The following IMPG2 variants were observed in gnomAD, a reference collection of about 807,000 sequenced individuals.
The protein encoded by IMPG2 is interphotoreceptor matrix proteoglycan 2, also known as IPM 200.
A neutral mutation model predicts 129.2 loss-of-function variants in IMPG2; 91 were observed. The ratio of observed to expected loss-of-function variants is 0.70; its 90% CI spans 0.59 to 0.84. The LOEUF (loss-of-function observed/expected upper bound fraction) is 0.84, where lower values mean the gene tolerates loss of function less well. Ranked by LOEUF, IMPG2 falls within the 40% of genes least tolerant of loss-of-function variation. The pLI, the probability that IMPG2 is intolerant of heterozygous loss-of-function variation, is 0.00. For synonymous variants in IMPG2, 510 were observed against 517.7 expected (o/e 0.99, Z 0.20); for missense variants, 1,430 against 1,461.7 (o/e 0.98, Z 0.35).
chr3:101,228,874 T>G lies in IMPG2; in HGVS notation c.3636A>C (p.Glu1212Asp). ...CCAAAACTCTCATTCTCTCTTGAAT[T>G]TCCTTAAACAAAAAAGAAACAATAG... Reference protein sequence around the residue: ...MYESSELSREEIQERMRVLEL... With the variant: ...MYESSELSREDIQERMRVLEL... Residue 1212 changes from glutamate to aspartate, a missense_variant and splice_region_variant, in exon 18 of 19, where the codon GAA (glutamate) becomes GAC (aspartate). Glu to Asp is a conservative substitution (Grantham distance 45). Coordinates refer to ENST00000193391, the MANE Select transcript of IMPG2 (RefSeq NM_016247.4). 6.2e-7 allele frequency: 1 copy of G among 1,612,838 alleles called. No homozygotes were observed. Among genetic ancestry groups the G allele is most frequent in the Non-Finnish European group, 8.5e-7 (1 of 1,178,880 alleles).
chr3:101,244,303 A>G lies in IMPG2; in HGVS notation c.2028T>C (p.Phe676=), dbSNP rs780140167. 8.1e-6 allele frequency: 13 copies of G among 1,614,024 alleles called. No individual in the cohort carries two copies. In the East Asian group the frequency reaches 1.1e-4, roughly 14 times the overall value. ...KYEHDDRSTH[F]PEEEPLSGPA... is the part of the protein sequence containing the mutation. ...GCCCACTAAGAGGCTCTTCCTCTGG[A>G]AAGTGTGTGGATCTGTCATCATGTT... Residue 676 remains phenylalanine (F), a synonymous_variant, in exon 13 of 19, where the codon TTT becomes TTC. Coordinates refer to ENST00000193391, the MANE Select transcript of IMPG2 (RefSeq NM_016247.4).
rs187262692 is a variant in IMPG2, at chr3:101,230,933, T to C, written c.3422+24A>G. 7.6e-5 allele frequency: 121 copies of C among 1,593,952 alleles called. 1 individual carries two copies. In the East Asian group the frequency reaches 2.5e-3, roughly 34 times the overall value. Reference sequence around the variant, plus strand: ...GTGTAAATGGAACATTGTATTCCATTAGAGAGCTCTTTTCCTTATTTACCT... The same window carrying C: ...GTGTAAATGGAACATTGTATTCCATCAGAGAGCTCTTTTCCTTATTTACCT... On this transcript the variant is annotated intron_variant, in intron 16 of 18. Coordinates refer to ENST00000193391, the MANE Select transcript of IMPG2 (RefSeq NM_016247.4).
chr3:101,269,754 T>G lies in IMPG2; in HGVS notation c.829-181A>C, dbSNP rs535546334. ...AAAATTTTACCTAAACACTGCCACA[T>G]TTTTCTTTTTCATTTTGTCTTTCAA... On this transcript the variant is annotated intron_variant, in intron 7 of 18. Coordinates refer to ENST00000193391, the MANE Select transcript of IMPG2 (RefSeq NM_016247.4). Among the ~76,000 whole-genome samples, 4 of 152,100 alleles carry G rather than the reference T, an allele frequency of 2.6e-5. No individual in the cohort carries two copies. The East Asian group carries it at 7.7e-4, about 29-fold the overall frequency.
At chr3:101,293,573 T>C (rs1453745468) in intron 3 of IMPG2, among the ~76,000 whole-genome samples, 1 of 152,228 alleles carries the variant, frequency 6.6e-6, no homozygotes, top group East Asian at 1.9e-4. Flanking sequence ...TATTGCCTTC[T>C]AATTTAAGTC....
intron 2 of IMPG2, among the ~76,000 whole-genome samples, chr3:101,314,807 G>A (rs2058775751): frequency 6.6e-6 from 1 of 152,098 alleles, no homozygotes; most frequent in South Asian, 2.1e-4. Context: ...TAAATAAATG[G>A]AGGGATATAT....
intron 2 of IMPG2, among the ~76,000 whole-genome samples, chr3:101,318,533 C>T (rs1396537349): frequency 6.6e-6 from 1 of 151,746 alleles, no homozygotes; most frequent in Non-Finnish European, 1.5e-5. Flanking sequence ...GTTTTTAAAA[C>T]TTTGATGAGA....
At chr3:101,268,416 G>A (rs1706744046) in intron 8 of IMPG2, among the ~76,000 whole-genome samples, 1 of 152,124 alleles carries the variant, frequency 6.6e-6, no homozygotes, top group African/African-American at 2.4e-5. Context: ...GAATGGGGGC[G>A]ACTGGTCATG....
At position 101,320,377 on chromosome 3, in the gene IMPG2, G is replaced by A. The variant is rs1376782187; in HGVS notation, c.-5C>T. On this transcript the variant is annotated 5_prime_UTR_variant, in exon 1 of 19. Transcript: ENST00000193391. ...AAAAAGAGGAAACATAATCATTTGG[G>A]CCAAAACCAAAGGAATGAGGAGAGG... 3.1e-6 allele frequency: 5 copies of A among 1,588,736 alleles called. No homozygotes were observed. The highest frequency in any genetic ancestry group is 4.3e-6 in the Non-Finnish European group (5 of 1,158,240).
chr3:101,316,577 G>A (rs1000016014), intron 2 of IMPG2, among the ~76,000 whole-genome samples: 11 of 151,976 alleles, frequency 7.2e-5, no homozygotes, highest in Non-Finnish European at 1.6e-4. Context: ...ACATCCACTG[G>A]AATGGCTAAA....
intron 9 of IMPG2, among the ~76,000 whole-genome samples, chr3:101,264,094 G>A (rs1160568943): frequency 6.6e-6 from 1 of 151,900 alleles, no homozygotes; most frequent in Non-Finnish European, 1.5e-5. Context: ...GTAACAAAAA[G>A]TCTACTGAAA....
At chr3:101,276,235 T>C (rs548350080) in intron 5 of IMPG2, among the ~76,000 whole-genome samples, 52 of 152,314 alleles carry the variant, frequency 3.4e-4, no homozygotes, top group African/African-American at 1.3e-3. Context: ...ATTACCAATT[T>C]ACAAGAAATA....
Position 101,320,562 on chromosome 3 carries a change from C to T in IMPG2, c.-190G>A, listed in dbSNP as rs2058806373. 1.7e-6 allele frequency: 1 copy of T among 582,288 alleles called. No individual in the cohort carries two copies. The highest frequency in any genetic ancestry group is 3.0e-5 in the East Asian group (1 of 33,780). The allele number at this position is 582,288 out of a possible 1,614,324, so 36.1% of individuals were successfully genotyped here. ...AAATGGTTGTCCTTTCAAAGTAGCTCTCACTTCTTTTCTGAAATAACCAGC... is the reference window on the plus strand; with the variant it reads ...AAATGGTTGTCCTTTCAAAGTAGCTTTCACTTCTTTTCTGAAATAACCAGC... On this transcript the variant is annotated 5_prime_UTR_variant, in exon 1 of 19. Coordinates refer to ENST00000193391, the MANE Select transcript of IMPG2 (RefSeq NM_016247.4).
intron 4 of IMPG2, among the ~76,000 whole-genome samples, chr3:101,281,843 A>G (rs939768921): frequency 8.5e-5 from 13 of 152,170 alleles, no homozygotes; most frequent in African/African-American, 1.2e-4. Context: ...GAAGTGGGCC[A>G]TGAGCCAAGA....
chr3:101,306,823 T>C (rs1483583776), intron 2 of IMPG2, among the ~76,000 whole-genome samples: 1 of 152,104 alleles, frequency 6.6e-6, no homozygotes, highest in Non-Finnish European at 1.5e-5. Context: ...CACTTGAGGA[T>C]AGACAAAGAT....
At chr3:101,294,904 C>T (rs999806554) in intron 3 of IMPG2, among the ~76,000 whole-genome samples, 2 of 152,088 alleles carry the variant, frequency 1.3e-5, no homozygotes, top group Non-Finnish European at 2.9e-5. Context: ...TTCAGAAATG[C>T]TGTTATATCC....
At chr3:101,256,592 C>T (rs1003200021) in intron 10 of IMPG2, among the ~76,000 whole-genome samples, 4 of 152,088 alleles carry the variant, frequency 2.6e-5, no homozygotes, top group Admixed American at 6.6e-5. Flanking sequence ...TTGTTACACA[C>T]ACACACAGAG....
At position 101,225,902 on chromosome 3, in the gene IMPG2, T is replaced by C. The variant is rs112610047; in HGVS notation, c.*1067A>G. ...CTGTTCAGTTTTTAAAATATTTTAATTGTAATAAAAGCTTTGCCCTGTTTT... is the reference window on the plus strand; with the variant it reads ...CTGTTCAGTTTTTAAAATATTTTAACTGTAATAAAAGCTTTGCCCTGTTTT... On this transcript the variant is annotated 3_prime_UTR_variant, in exon 19 of 19. Transcript: ENST00000193391. 6.5e-6 allele frequency: 1 copy of C among 153,016 alleles called. No homozygotes were observed. 9.5% of individuals were successfully genotyped at this position (153,016 alleles called of 1,614,324 possible).
At position 101,250,508 on chromosome 3, in the gene IMPG2, C is replaced by T. The variant is rs74432422; in HGVS notation, c.1239+3188G>A. Reference sequence around the variant, plus strand: ...CAAGAACACATGTAGTACAACCATGCCTGTTAGAGAACTGAGGATCATAGA... The same window carrying T: ...CAAGAACACATGTAGTACAACCATGTCTGTTAGAGAACTGAGGATCATAGA... On this transcript the variant is annotated intron_variant, in intron 11 of 18. Transcript: ENST00000193391. Among the ~76,000 whole-genome samples, 1,437 of 152,160 alleles carry T rather than the reference C, an allele frequency of 9.4e-3. 24 individuals carry two copies. The highest frequency in any genetic ancestry group is 0.033 in the African/African-American group (1,352 of 41,494).
chr3:101,316,422 A>G (rs953312311), intron 2 of IMPG2, among the ~76,000 whole-genome samples: 2 of 152,034 alleles, frequency 1.3e-5, no homozygotes, highest in Non-Finnish European at 2.9e-5. Context: ...TAGACAAGCA[A>G]CCCATTTTTT....
Sources: allele counts gnomAD v4.1 joint callset (sites outside exome capture counted in the v4.1 genomes callset), GRCh38; gene constraint gnomAD v4.1.1; transcripts MANE v1.5; gene names NCBI Gene and HGNC (gene_info 2026-07-23, HGNC 2026-07-21).